Variants in SYBU observed in about 807,000 individuals in gnomAD.
The protein encoded by SYBU is GOLSYN A protein.
Under a neutral mutation model 35.9 loss-of-function variants are expected in SYBU, and 21 were observed. The ratio of observed to expected loss-of-function variants is 0.58; its 90% CI spans 0.41 to 0.84. The LOEUF is 0.84. Ranked by LOEUF, SYBU falls within the 40% of genes least tolerant of loss-of-function variation. The pLI, the probability that SYBU is intolerant of heterozygous loss-of-function variation, is 0.00. For missense variants in SYBU, 768 were observed against 848.2 expected, an observed-to-expected ratio of 0.91 and a Z score of 1.17; for synonymous variants, 319 against 324.3, an observed-to-expected ratio of 0.98 and a Z score of 0.18.
Position 109,575,090 on chromosome 8 carries a change from C to G in SYBU, c.1808G>C (p.Trp603Ser). Residue 603 changes from tryptophan (W) to serine (S), a missense_variant, in exon 7 of 7, where the codon TGG becomes TCG. By Grantham distance (177) the Trp-to-Ser change is radical. Transcript: ENST00000276646. ...LARGGVVRQYWSSSFLVDLLA... is the reference protein window; with the variant it reads ...LARGGVVRQYSSSSFLVDLLA... ...GAGATCCACCAGGAAGCTGCTGCTCCAGTACTGCCTCACGACGCCCCCGCG... is the reference window on the plus strand; with the variant it reads ...GAGATCCACCAGGAAGCTGCTGCTCGAGTACTGCCTCACGACGCCCCCGCG... The G allele has an allele frequency of 6.2e-7, 1 of 1,611,430 alleles. No individual in the cohort carries two copies. The highest frequency in any genetic ancestry group is 8.5e-7 in the Non-Finnish European group (1 of 1,178,338).
chr8:109,600,640 T>A (rs1825415536), intron 3 of SYBU, among the ~76,000 whole-genome samples: 1 of 152,142 alleles, frequency 6.6e-6, no homozygotes, highest in African/African-American at 2.4e-5. Flanking sequence ...ACTCTGCAGG[T>A]CATGAACATA....
At chr8:109,607,095 T>C (rs972036869) in intron 3 of SYBU, among the ~76,000 whole-genome samples, 1 of 152,052 alleles carries the variant, frequency 6.6e-6, no homozygotes, top group Non-Finnish European at 1.5e-5. Context: ...CTTTTGTTTC[T>C]ACTAATTAAT....
At position 109,655,531 on chromosome 8, in the gene SYBU, T is replaced by C. The variant is rs975982184; in HGVS notation, c.-129+25180A>G. On this transcript the variant is annotated intron_variant, in intron 1 of 5. Coordinates refer to the SYBU transcript ENST00000408889. ...AAGAAAATACATACATTTCATCCTA[T>C]GTATTATAAAATATTAATCTTAGCT... Among the ~76,000 whole-genome samples, 7 of 152,316 alleles carry C rather than the reference T, an allele frequency of 4.6e-5. No individual in the cohort carries two copies. The Middle Eastern group carries it at 0.01, about 222-fold the overall frequency.
intron 3 of SYBU, among the ~76,000 whole-genome samples, chr8:109,608,373 A>C (rs2130187717): frequency 6.6e-6 from 1 of 152,304 alleles, no homozygotes; most frequent in Middle Eastern, 3.4e-3. Context: ...CAAACCCCAC[A>C]CAGCCCTAAA....
intron 1 of SYBU, among the ~76,000 whole-genome samples, chr8:109,651,622 A>T (rs897720946): frequency 6.6e-6 from 1 of 152,078 alleles, no homozygotes; most frequent in Non-Finnish European, 1.5e-5. Flanking sequence ...TCATTTTCAC[A>T]TCTAGAAAAT....
intron 5 of SYBU, 61 bp downstream of exon 5, chr8:109,579,738 T>G (rs2131213901): frequency 6.8e-7 from 1 of 1,479,102 alleles, no homozygotes; most frequent in Non-Finnish European, 9.3e-7. Flanking sequence ...TTTTCTTTTT[T>G]AAAGAAAAGC....
rs769878772 is a variant in SYBU, at chr8:109,575,358, AG to A, written c.1539del (p.Cys514ValfsTer26). On this transcript the variant is annotated frameshift_variant, in exon 7 of 7. Transcript: ENST00000276646. LOFTEE classifies it low-confidence loss of function (END_TRUNC). ...TCAGGGGACGCCAAGCTCGAGGGAC[AG>A]GGGTCCTGGAGCTTCTGCAGCACAC... Reference protein sequence around the residue: ...IQSVLQKLQDPCPSSLASPDE... With the variant: ...IQSVLQKLQDXCPSSLASPDE... The A allele has an allele frequency of 3.1e-6, 5 of 1,614,152 alleles. No homozygotes were observed. The Admixed American group carries it at 6.7e-5, about 22-fold the overall frequency.
intron 2 of SYBU, among the ~76,000 whole-genome samples, chr8:109,633,783 G>C (rs1408183770): frequency 1.3e-5 from 2 of 152,064 alleles, no homozygotes; most frequent in Non-Finnish European, 1.5e-5. Context: ...ACCCAGGCTG[G>C]AGTGCAGTGG....
At chr8:109,590,073 C>A (rs1288208147) in intron 3 of SYBU, among the ~76,000 whole-genome samples, 1 of 151,918 alleles carries the variant, frequency 6.6e-6, no homozygotes. Context: ...CCCCAAAATA[C>A]ACATATTTTT....
chr8:109,677,805 A>AC (rs2130777843), intron 1 of SYBU, among the ~76,000 whole-genome samples: 1 of 152,324 alleles, frequency 6.6e-6, no homozygotes, highest in Admixed American at 6.5e-5. Context: ...AATGTGATAA[A>AC]CATTGCTGAA....
chr8:109,667,081 G>A (rs1174528172), intron 1 of SYBU, among the ~76,000 whole-genome samples: 2 of 152,054 alleles, frequency 1.3e-5, no homozygotes, highest in Admixed American at 6.6e-5. Context: ...TATATTTCAA[G>A]GATGTTTACT....
chr8:109,647,671 A>T (rs1815845969), upstream of SYBU: 2 of 152,260 alleles, frequency 1.3e-5, no homozygotes, highest in Admixed American at 1.3e-4. Context: ...GATAAAGAAC[A>T]TAGATACAAC....
intron 2 of SYBU, among the ~76,000 whole-genome samples, chr8:109,640,442 A>G (rs1425820185): frequency 1.3e-5 from 2 of 152,104 alleles, no homozygotes; most frequent in African/African-American, 4.8e-5. Context: ...GATTACAGGG[A>G]GAGAATACCA....
At chr8:109,685,354 G>T (rs538661493), upstream of SYBU, among the ~76,000 whole-genome samples, 11 of 152,146 alleles carry the variant, frequency 7.2e-5, 1 homozygote, top group South Asian at 2.3e-3. Context: ...TTCTTAAGTG[G>T]GTAGCTGTAA....
chr8:109,625,087 G>A (rs1812839167), intron 2 of SYBU, among the ~76,000 whole-genome samples: 1 of 152,068 alleles, frequency 6.6e-6, no homozygotes, highest in South Asian at 2.1e-4. Context: ...TGTTAATCAT[G>A]TTAGAAATGA....
intron 3 of SYBU, chr8:109,608,063 G>A: frequency 1.0e-6 from 1 of 993,918 alleles, no homozygotes. Context: ...CATGGAGACT[G>A]AGCCTTCTGC....
Position 109,586,077 on chromosome 8 carries a change from C to A in SYBU, c.513G>T (p.Arg171=), listed in dbSNP as rs755006133. ...GTGCCTACTTGCGTGAAGAAGAAGA[C>A]CGCTTGCTTCCCGCAGTCGACATAT... The part of the protein sequence containing the change: ...EVHMSTAGSK[R]SSSSRNRGPH... The change falls in exon 4 of 7, where the codon CGG becomes CGT. Residue 171 remains arginine, a synonymous_variant. Transcript: ENST00000276646. 55 of 1,610,644 alleles carry A rather than the reference C, an allele frequency of 3.4e-5. No individual in the cohort carries two copies. Among genetic ancestry groups the A allele is most frequent in the Non-Finnish European group, 4.5e-5 (53 of 1,178,752 alleles).
In SYBU at chr8:109,584,442, T is replaced by C. The variant is rs1358293668; in HGVS notation, c.530+1618A>G. Reference sequence around the variant, plus strand: ...GCCTTCCTTTTTTATCTTTTTGCCTTTCTATATTGTTTGATACTTTGTTCC... The same window carrying C: ...GCCTTCCTTTTTTATCTTTTTGCCTCTCTATATTGTTTGATACTTTGTTCC... On this transcript the variant is annotated intron_variant, in intron 4 of 6. Coordinates refer to ENST00000276646, the MANE Select transcript of SYBU (RefSeq NM_001099754.2). The surrounding 1 kb of genome is among the most constrained non-coding windows in gnomAD (Gnocchi z 4.0). 6.6e-6 allele frequency among the ~76,000 whole-genome samples: 1 copy of C among 152,200 alleles called. No individual in the cohort carries two copies. The highest frequency in any genetic ancestry group is 6.5e-5 in the Admixed American group (1 of 15,286).
Position 109,575,681 on chromosome 8 carries a change from G to C in SYBU, c.1217C>G (p.Pro406Arg), listed in dbSNP as rs141149968. 1,595 of 1,614,118 alleles carry C rather than the reference G, an allele frequency of 9.9e-4. 16 individuals carry two copies. In the South Asian group the frequency reaches 0.01, roughly 10 times the overall value. Residue 406 changes from proline (P) to arginine (R), a missense_variant, in exon 7 of 7, where the codon CCT becomes CGT. Coordinates refer to ENST00000276646, the MANE Select transcript of SYBU (RefSeq NM_001099754.2). ...SPEKSLTLNP[P>R]LDTMADGLSL... Reference sequence around the variant, plus strand: ...TAACCCATCTGCCATTGTGTCAAGAGGGGGGTTGAGGGTTAAGCTCTTCTC... The same window carrying C: ...TAACCCATCTGCCATTGTGTCAAGACGGGGGTTGAGGGTTAAGCTCTTCTC...
Sources: allele counts gnomAD v4.1 joint callset (sites outside exome capture counted in the v4.1 genomes callset), GRCh38; gene constraint gnomAD v4.1.1; non-coding constraint Gnocchi (gnomAD v3.1); transcripts MANE v1.5; gene names NCBI Gene and HGNC (gene_info 2026-07-23, HGNC 2026-07-21).